SIPA1L2: variants seen among roughly 807,000 people sequenced by gnomAD.
SIPA1L2 encodes the protein signal-induced proliferation-associated 1-like protein 2.
A neutral mutation model predicts 163.9 loss-of-function variants in SIPA1L2; 56 were observed. The ratio of observed to expected loss-of-function variants is 0.34; its 90% CI spans 0.28 to 0.43. The LOEUF is 0.43. SIPA1L2 is among the 20% of genes least tolerant of loss of function. The pLI is 1.00. For missense variants in SIPA1L2, 1,974 were observed against 2,193.5 expected (o/e 0.90, Z 2.00); for synonymous variants, 877 against 865.7 (o/e 1.01, Z -0.23).
intron 2 of SIPA1L2, among the ~76,000 whole-genome samples, chr1:232,527,950 T>A (rs1667792630): frequency 6.6e-6 from 1 of 150,880 alleles, no homozygotes; most frequent in African/African-American, 2.4e-5. Context: ...CATGGGAAAT[T>A]ACTGCTTTCT....
chr1:232,618,627 C>T (rs1662630962), intron 1 of SIPA1L2, among the ~76,000 whole-genome samples: 1 of 149,808 alleles, frequency 6.7e-6, no homozygotes, highest in South Asian at 2.1e-4. Flanking sequence ...GCACTCCAGC[C>T]TGAGGGACAG....
At chr1:232,461,814 G>T (rs1351201001) in intron 9 of SIPA1L2, among the ~76,000 whole-genome samples, 2 of 152,198 alleles carry the variant, frequency 1.3e-5, no homozygotes, top group Non-Finnish European at 2.9e-5. Context: ...ACTGTGGAGT[G>T]TTCTGTCCCC....
chr1:232,437,262 T>A (rs951148275), intron 15 of SIPA1L2, among the ~76,000 whole-genome samples: 1 of 152,196 alleles, frequency 6.6e-6, no homozygotes, highest in African/African-American at 2.4e-5. Flanking sequence ...TCAGCTCTTT[T>A]ACAAATCATC....
intron 6 of SIPA1L2, among the ~76,000 whole-genome samples, chr1:232,482,336 A>C (rs1278237764): frequency 1.3e-5 from 2 of 152,182 alleles, no homozygotes; most frequent in Non-Finnish European, 2.9e-5. Flanking sequence ...ACACAATCAC[A>C]GTAATAAGAG....
intron 18 of SIPA1L2, among the ~76,000 whole-genome samples, chr1:232,422,797 A>C (rs900170594): frequency 6.6e-5 from 10 of 152,220 alleles, no homozygotes; most frequent in African/African-American, 2.2e-4. Flanking sequence ...GCTCAAAGAC[A>C]TCTTCTGGGC....
intron 3 of SIPA1L2, among the ~76,000 whole-genome samples, chr1:232,507,022 G>T (rs1666760862): frequency 6.6e-6 from 1 of 152,104 alleles, no homozygotes; most frequent in Non-Finnish European, 1.5e-5. Context: ...TTGTTATGAT[G>T]AACGAATCAA....
intron 10 of SIPA1L2, among the ~76,000 whole-genome samples, chr1:232,457,763 G>A (rs1664009180): frequency 6.6e-6 from 1 of 152,140 alleles, no homozygotes; most frequent in Non-Finnish European, 1.5e-5. Context: ...TAATAATGCA[G>A]AAGGCTAAAC....
intron 19 of SIPA1L2, among the ~76,000 whole-genome samples, chr1:232,413,802 C>G (rs571591006): frequency 3.9e-5 from 6 of 152,330 alleles, no homozygotes; most frequent in Admixed American, 3.9e-4. Flanking sequence ...CAGATAGTTA[C>G]ACAGTGAGGC....
At chr1:232,474,358 T>C (rs1229603564) in intron 7 of SIPA1L2, among the ~76,000 whole-genome samples, 1 of 152,206 alleles carries the variant, frequency 6.6e-6, no homozygotes. Context: ...TAAGCTCTTG[T>C]TATGACAAGG....
chr1:232,567,263 C>T (rs1471278295), intron 2 of SIPA1L2, among the ~76,000 whole-genome samples: 1 of 152,110 alleles, frequency 6.6e-6, no homozygotes, highest in Non-Finnish European at 1.5e-5. Context: ...ACATAGTGAA[C>T]AGTAAGCAAA....
chr1:232,402,224 T>C (rs910312740), intron 22 of SIPA1L2, among the ~76,000 whole-genome samples, 168 bp downstream of exon 22: 3 of 152,236 alleles, frequency 2.0e-5, no homozygotes, highest in African/African-American at 7.2e-5. Flanking sequence ...ATACATCAGC[T>C]GCAGGTCAGC....
At chr1:232,520,518 G>A (rs1667416278) in intron 2 of SIPA1L2, among the ~76,000 whole-genome samples, 1 of 152,162 alleles carries the variant, frequency 6.6e-6, no homozygotes, top group South Asian at 2.1e-4. Context: ...AGACATCAGT[G>A]AGTCTTTAAG....
intron 2 of SIPA1L2, among the ~76,000 whole-genome samples, chr1:232,531,387 G>A (rs1259591791): frequency 6.6e-6 from 1 of 152,106 alleles, no homozygotes; most frequent in Non-Finnish European, 1.5e-5. Context: ...TGCAGACATT[G>A]ACGCAAGACC....
intron 16 of SIPA1L2, among the ~76,000 whole-genome samples, chr1:232,431,265 C>A (rs1366434242): frequency 6.6e-6 from 1 of 152,152 alleles, no homozygotes; most frequent in African/African-American, 2.4e-5. Flanking sequence ...ATAAAAAGGG[C>A]TAGTTATCAC....
intron 3 of SIPA1L2, among the ~76,000 whole-genome samples, chr1:232,500,930 C>G (rs1051082550): frequency 1.3e-5 from 2 of 152,104 alleles, no homozygotes; most frequent in African/African-American, 4.8e-5. Flanking sequence ...CCGCCCTAAC[C>G]TTCAACACCC....
chr1:232,471,557 A>T lies in SIPA1L2; in HGVS notation c.2086-29T>A, dbSNP rs200414059. ...TGGTCAAGAAAGTGAAGAGTTACAA[A>T]TAAGTTTTTCTTTAAAACAAAATAT... On this transcript the variant is annotated intron_variant, in intron 7 of 22. Coordinates refer to ENST00000674635, the MANE Select transcript of SIPA1L2 (RefSeq NM_020808.5). 6.4e-6 allele frequency: 10 copies of T among 1,564,904 alleles called. No individual in the cohort carries two copies. The East Asian group carries it at 2.3e-4, about 36-fold the overall frequency.
chr1:232,561,210 G>A (rs968617210), intron 2 of SIPA1L2, among the ~76,000 whole-genome samples: 2 of 152,158 alleles, frequency 1.3e-5, no homozygotes, highest in East Asian at 1.9e-4. Context: ...AAATGGCCAC[G>A]ACATCATTCT....
chr1:232,490,806 A>G, intron 5 of SIPA1L2, 68 bp downstream of exon 5: 9 of 1,480,052 alleles, frequency 6.1e-6, no homozygotes, highest in African/African-American at 1.4e-5. Flanking sequence ...GATGGATGGG[A>G]AAACTCCAAA....
At position 232,424,486 on chromosome 1, in the gene SIPA1L2, T is replaced by C. The variant is rs75796452; in HGVS notation, c.4630+1103A>G. 2.9e-3 allele frequency among the ~76,000 whole-genome samples: 448 copies of C among 152,150 alleles called. 1 individual carries two copies. Among genetic ancestry groups the C allele is most frequent in the Non-Finnish European group, 4.3e-3 (295 of 67,992 alleles). On this transcript the variant is annotated intron_variant, in intron 18 of 22. Transcript: ENST00000674635. ...ACACTTGCAGGAAAATAGAGGTTCA[T>C]TGGTTTTACAAAAGCTTTTAAGAGG...
Sources: gnomAD v4.1 joint callset for allele counts (sites outside exome capture counted in the v4.1 genomes callset) on GRCh38, gnomAD v4.1.1 for gene constraint, MANE v1.5 for transcripts, NCBI Gene and HGNC (gene_info 2026-07-23, HGNC 2026-07-21) for gene names.